ARSB: variants seen among roughly 807,000 people sequenced by gnomAD.
The protein encoded by ARSB is arylsulfatase B, also known as N-acetylgalactosamine-4-sulfatase.
Under a neutral mutation model 50.9 loss-of-function variants are expected in ARSB, and 41 were observed. The observed-to-expected ratio is 0.81, with a 90% CI of 0.63 to 1.04. The LOEUF (loss-of-function observed/expected upper bound fraction) is 1.04, where lower values mean the gene tolerates loss of function less well. Ranked by LOEUF, ARSB falls within the 50% of genes least tolerant of loss-of-function variation. The probability of loss-of-function intolerance (pLI) is 0.00; values close to 1 mark genes in which losing one functional copy is unlikely to be tolerated. For synonymous variants in ARSB, 269 were observed against 284.8 expected, an observed-to-expected ratio of 0.94 and a Z score of 0.56; for missense variants, 672 against 693.3, an observed-to-expected ratio of 0.97 and a Z score of 0.35.
intron 4 of ARSB, among the ~76,000 whole-genome samples, chr5:78,908,460 G>T (rs186533707): frequency 6.6e-6 from 1 of 152,182 alleles, no homozygotes; most frequent in African/African-American, 2.4e-5. Flanking sequence ...AGCAGCAGCG[G>T]AGAGCACAGG....
At chr5:78,825,041 G>A (rs964419397) in intron 6 of ARSB, among the ~76,000 whole-genome samples, 1 of 152,166 alleles carries the variant, frequency 6.6e-6, no homozygotes, top group Non-Finnish European at 1.5e-5. Context: ...CCTACGGTCA[G>A]GAATGTGTTT....
chr5:78,935,773 G>A (rs116365796), intron 4 of ARSB, among the ~76,000 whole-genome samples: 3,816 of 152,168 alleles, frequency 0.025, 162 homozygotes, highest in African/African-American at 0.086. Context: ...TCCACACTTT[G>A]CTGATGAAGA....
At chr5:78,781,747 G>C in intron 7 of ARSB, 105 bp downstream of exon 7, 1 of 1,509,232 alleles carries the variant, frequency 6.6e-7, no homozygotes, top group Non-Finnish European at 9.2e-7. Context: ...AATGGCCGTG[G>C]GAATCAAATC....
At chr5:78,910,101 CAT>C (rs1248565907) in intron 4 of ARSB, among the ~76,000 whole-genome samples, 7 of 152,354 alleles carry the variant, frequency 4.6e-5, no homozygotes, top group Non-Finnish European at 7.3e-5. Flanking sequence ...CCTTTGCTCA[CAT>C]GTTTTCTTGC....
chr5:78,928,193 C>T (rs1221107889), intron 4 of ARSB, among the ~76,000 whole-genome samples: 2 of 152,060 alleles, frequency 1.3e-5, no homozygotes, highest in African/African-American at 4.8e-5. Context: ...AACCCCATGG[C>T]CACATGCTAG....
At chr5:78,925,381 C>A (rs535404376) in intron 4 of ARSB, among the ~76,000 whole-genome samples, 2 of 152,168 alleles carry the variant, frequency 1.3e-5, no homozygotes, top group South Asian at 4.2e-4. Context: ...TTAAATTCCT[C>A]ACAAATATAA....
intron 6 of ARSB, among the ~76,000 whole-genome samples, chr5:78,807,504 A>G (rs1016525303): frequency 1.1e-4 from 17 of 152,150 alleles, no homozygotes; most frequent in African/African-American, 3.6e-4. Context: ...AAGCCCGGGC[A>G]AGGAGCACTT....
In ARSB at chr5:78,831,426, G is replaced by C. The variant is rs79696287; in HGVS notation, c.1213+7930C>G. 2.7e-3 allele frequency among the ~76,000 whole-genome samples: 405 copies of C among 152,132 alleles called. 4 individuals carry two copies. In the East Asian group the frequency reaches 0.036, roughly 13 times the overall value. ...CAAGCAGAAGCTACCACCATCTGCA[G>C]AGTCAGATTACATGTGAATCTAGCA... On this transcript the variant is annotated intron_variant, in intron 6 of 7. Transcript: ENST00000264914.
chr5:78,957,431 A>G (rs548329751), intron 3 of ARSB, among the ~76,000 whole-genome samples: 6 of 152,324 alleles, frequency 3.9e-5, no homozygotes, highest in Middle Eastern at 3.4e-3. Flanking sequence ...GGTCTTTGGA[A>G]CTCAGAAATA....
chr5:78,907,467 T>C (rs1360158971), intron 4 of ARSB, among the ~76,000 whole-genome samples: 1 of 152,152 alleles, frequency 6.6e-6, no homozygotes, highest in Non-Finnish European at 1.5e-5. Flanking sequence ...AATTACCACA[T>C]ACAAAACTCT....
chr5:78,919,558 T>C (rs1354990389), intron 4 of ARSB, among the ~76,000 whole-genome samples: 40 of 152,280 alleles, frequency 2.6e-4, no homozygotes, highest in East Asian at 1.9e-3. Flanking sequence ...AGTGGCACGA[T>C]CTTGGCTCAT....
Position 78,885,783 on chromosome 5 carries a change from G to C in ARSB, c.943C>G (p.Arg315Gly). ...TLAGGNNWPLRGRKWSLWEGG... is the reference protein window; with the variant it reads ...TLAGGNNWPLGGRKWSLWEGG... ...TCCCACAGGCTCCATTTTCTTCCTCGAAGGGGCCAGTTATTACCCCCTGCC... is the reference window on the plus strand; with the variant it reads ...TCCCACAGGCTCCATTTTCTTCCTCCAAGGGGCCAGTTATTACCCCCTGCC... Residue 315 changes from arginine (R) to glycine (G), a missense_variant, in exon 5 of 8, where the codon CGA becomes GGA. Coordinates refer to ENST00000264914, the MANE Select transcript of ARSB (RefSeq NM_000046.5). 6.2e-7 allele frequency: 1 copy of C among 1,614,068 alleles called. No individual in the cohort carries two copies. Among genetic ancestry groups the C allele is most frequent in the East Asian group, 2.2e-5 (1 of 44,874 alleles).
intron 4 of ARSB, among the ~76,000 whole-genome samples, chr5:78,890,385 G>C (rs1384814925): frequency 1.3e-5 from 2 of 151,736 alleles, no homozygotes; most frequent in African/African-American, 4.8e-5. Context: ...CAAGTAGCTG[G>C]GACTACAAGT....
chr5:78,943,002 T>C (rs1751015479), intron 4 of ARSB, among the ~76,000 whole-genome samples: 4 of 152,234 alleles, frequency 2.6e-5, no homozygotes, highest in African/African-American at 4.8e-5. Flanking sequence ...AGTTAGCTCT[T>C]CTTGTTGAAT....
At chr5:78,864,119 A>G (rs551080997) in intron 5 of ARSB, among the ~76,000 whole-genome samples, 2 of 152,078 alleles carry the variant, frequency 1.3e-5, no homozygotes, top group East Asian at 3.9e-4. Flanking sequence ...CAGGACTGGT[A>G]CCCACCCAAG....
At chr5:78,854,068 G>C (rs765089634) in intron 5 of ARSB, among the ~76,000 whole-genome samples, 8 of 152,262 alleles carry the variant, frequency 5.3e-5, no homozygotes, top group Non-Finnish European at 7.3e-5. Context: ...TGCACCCACT[G>C]TCCTGTGCCC....
In ARSB at chr5:78,985,150, C is replaced by G. The variant is rs1446813575; in HGVS notation, c.99G>C (p.Ala33=). ...TGGCCCCGGCGCCCGAGCCCGGCGG[C>G]GCCAACAACAGCAGCAGCAGCAGCG... ...VLPLLLLLLL[A]PPGSGAGASR... Residue 33 remains alanine (A), a synonymous_variant, in exon 1 of 8, where the codon GCG becomes GCC. Coordinates refer to ENST00000264914, the MANE Select transcript of ARSB (RefSeq NM_000046.5). 2 of 1,455,754 alleles carry G rather than the reference C, an allele frequency of 1.4e-6. No homozygotes were observed. Among genetic ancestry groups the G allele is most frequent in the African/African-American group, 1.5e-5 (1 of 68,440 alleles). The allele number at this position is 1,455,754 out of a possible 1,614,324, so 90.2% of individuals were successfully genotyped here.
At chr5:78,953,590 G>A (rs1751577525) in intron 4 of ARSB, among the ~76,000 whole-genome samples, 1 of 152,138 alleles carries the variant, frequency 6.6e-6, no homozygotes, top group Non-Finnish European at 1.5e-5. Context: ...AGTATGAGTA[G>A]AATACCAAAA....
intron 6 of ARSB, among the ~76,000 whole-genome samples, chr5:78,800,574 A>G (rs1334149197): frequency 6.6e-6 from 1 of 152,226 alleles, no homozygotes; most frequent in African/African-American, 2.4e-5. Context: ...AAGAAACTGT[A>G]TAAGGTGTCA....
Sources: gnomAD v4.1 joint callset for allele counts (sites outside exome capture counted in the v4.1 genomes callset) on GRCh38, gnomAD v4.1.1 for gene constraint, MANE v1.5 for transcripts, NCBI Gene and HGNC (gene_info 2026-07-23, HGNC 2026-07-21) for gene names.